PIK3C2A: variants seen among roughly 807,000 people sequenced by gnomAD.
PIK3C2A encodes phosphatidylinositol-4-phosphate 3-kinase catalytic subunit type 2 alpha.
Under a neutral mutation model 204.5 loss-of-function variants are expected in PIK3C2A, and 97 were observed. The observed-to-expected ratio is 0.47, with a 90% CI of 0.40 to 0.56. The LOEUF is 0.56. PIK3C2A is among the 20% of genes least tolerant of loss of function. The pLI, the probability that PIK3C2A is intolerant of heterozygous loss-of-function variation, is 0.00. For synonymous variants in PIK3C2A, 653 were observed against 664.4 expected, an observed-to-expected ratio of 0.98 and a Z score of 0.26; for missense variants, 1,735 against 1,969.2, an observed-to-expected ratio of 0.88 and a Z score of 2.25.
chr11:17,177,471 T>C (rs1203528015), intron 1 of PIK3C2A, among the ~76,000 whole-genome samples: 1 of 152,116 alleles, frequency 6.6e-6, no homozygotes, highest in African/African-American at 2.4e-5. Flanking sequence ...AATGACTCAT[T>C]AATAATTCAA....
chr11:17,160,090 A>T (rs1850724890), intron 2 of PIK3C2A, among the ~76,000 whole-genome samples: 1 of 152,198 alleles, frequency 6.6e-6, no homozygotes. Flanking sequence ...ATATCTGGAC[A>T]CCTCATGGCC....
chr11:17,101,754 C>T (rs1202859012), intron 24 of PIK3C2A, among the ~76,000 whole-genome samples: 3 of 151,588 alleles, frequency 2.0e-5, no homozygotes, highest in East Asian at 2.0e-4. Context: ...CAGGGGCCCG[C>T]CACCACGCCC....
Position 17,172,956 on chromosome 11 carries a change from T to A in PIK3C2A, c.-65-3150A>T, listed in dbSNP as rs35616156. ...TAGCTTCCATTTTAATTTTCTTTTTTCACTGTCAAACTTCTCCAATGAGGG... is the reference window on the plus strand; with the variant it reads ...TAGCTTCCATTTTAATTTTCTTTTTACACTGTCAAACTTCTCCAATGAGGG... On this transcript the variant is annotated intron_variant, in intron 1 of 32. Coordinates refer to ENST00000691414, the MANE Select transcript of PIK3C2A (RefSeq NM_002645.4). Among the ~76,000 whole-genome samples, 629 of 152,342 alleles carry A rather than the reference T, an allele frequency of 4.1e-3. 2 individuals carry two copies. The highest frequency in any genetic ancestry group is 6.9e-3 in the Non-Finnish European group (467 of 68,032).
intron 8 of PIK3C2A, chr11:17,138,010 A>C: frequency 1.6e-6 from 1 of 620,400 alleles, no homozygotes; most frequent in East Asian, 3.5e-5. Context: ...TTGTGCTTTC[A>C]ACACTTTCAC....
At chr11:17,192,178 T>C (rs893388919) in intron 1 of PIK3C2A, among the ~76,000 whole-genome samples, 5 of 151,966 alleles carry the variant, frequency 3.3e-5, no homozygotes, top group African/African-American at 1.2e-4. Flanking sequence ...GCAGGTGTAA[T>C]AGAAACATAT....
intron 20 of PIK3C2A, 45 bp from the exon 21 acceptor site, chr11:17,112,711 G>C (rs762829470): frequency 9.7e-7 from 1 of 1,031,066 alleles, no homozygotes; most frequent in Admixed American, 2.6e-5. Context: ...AATGAAAATG[G>C]ATTTAGAATT....
At position 17,090,879 on chromosome 11, in the gene PIK3C2A, A is replaced by G. The variant is rs555865001; in HGVS notation, c.4878+455T>C. 1.1e-4 allele frequency among the ~76,000 whole-genome samples: 17 copies of G among 151,598 alleles called. No individual in the cohort carries two copies. The South Asian group carries it at 3.5e-3, about 32-fold the overall frequency. On this transcript the variant is annotated intron_variant, in intron 32 of 32. Coordinates refer to ENST00000691414, the MANE Select transcript of PIK3C2A (RefSeq NM_002645.4). ...CTCAGCCTCCCGAGGAGCTGGGATT[A>G]CAGGTGCGTGCCACCATGCCTAGCT...
At chr11:17,155,428 G>T in intron 3 of PIK3C2A, 98 bp downstream of exon 3, 2 of 619,626 alleles carry the variant, frequency 3.2e-6, no homozygotes, top group Non-Finnish European at 5.6e-6. Flanking sequence ...GCCACAAGAA[G>T]AAAATAATTA....
intron 3 of PIK3C2A, among the ~76,000 whole-genome samples, chr11:17,154,001 G>A (rs571961258): frequency 6.6e-6 from 1 of 152,250 alleles, no homozygotes; most frequent in East Asian, 1.9e-4. Flanking sequence ...TGCAGTCATA[G>A]TCTACTAATG....
At chr11:17,173,355 G>C (rs1217116483) in intron 1 of PIK3C2A, among the ~76,000 whole-genome samples, 1 of 152,160 alleles carries the variant, frequency 6.6e-6, no homozygotes, top group Non-Finnish European at 1.5e-5. Context: ...GACTTCTGCT[G>C]AAACTATTTG....
At chr11:17,123,994 CTT>C (rs2137355138) in intron 13 of PIK3C2A, among the ~76,000 whole-genome samples, 1 of 152,182 alleles carries the variant, frequency 6.6e-6, no homozygotes, top group East Asian at 1.9e-4. Context: ...AAAATTTTCT[CTT>C]GACAAACAGG....
intron 9 of PIK3C2A, among the ~76,000 whole-genome samples, 182 bp downstream of exon 9, chr11:17,136,300 T>A (rs1444437824): frequency 1.3e-5 from 2 of 152,164 alleles, no homozygotes; most frequent in African/African-American, 4.8e-5. Context: ...TCAACTCTCA[T>A]AAAGCTCTTC....
intron 6 of PIK3C2A, among the ~76,000 whole-genome samples, chr11:17,146,635 C>A (rs973665601): frequency 6.6e-6 from 1 of 151,430 alleles, no homozygotes; most frequent in Non-Finnish European, 1.5e-5. Flanking sequence ...GCATGAGAAT[C>A]GCTTGAGGGT....
chr11:17,167,711 G>C lies in PIK3C2A; in HGVS notation c.1065+966C>G, dbSNP rs1851012290. ...CCATCCCTCCCTTCCCCATCTAAAT[G>C]CTAGTTAACTCCCAATGATAAAATA... On this transcript the variant is annotated intron_variant, in intron 2 of 32. Coordinates refer to ENST00000691414, the MANE Select transcript of PIK3C2A (RefSeq NM_002645.4). Among the ~76,000 whole-genome samples the C allele has an allele frequency of 2.0e-5, 3 of 152,112 alleles. No individual in the cohort carries two copies. The South Asian group carries it at 6.2e-4, about 31-fold the overall frequency.
At chr11:17,138,535 T>C (rs1329537984) in intron 8 of PIK3C2A, among the ~76,000 whole-genome samples, 2 of 152,198 alleles carry the variant, frequency 1.3e-5, no homozygotes, top group African/African-American at 2.4e-5. Context: ...AGAGACTTTA[T>C]CACAGTCCTC....
chr11:17,186,651 G>C (rs376391668), intron 1 of PIK3C2A, among the ~76,000 whole-genome samples: 67 of 152,218 alleles, frequency 4.4e-4, no homozygotes, highest in Middle Eastern at 3.4e-3. Flanking sequence ...CTTCCTCTAA[G>C]GGAAAAAAAT....
chr11:17,137,934 A>G, intron 8 of PIK3C2A: 1 of 431,812 alleles, frequency 2.3e-6, no homozygotes, highest in Non-Finnish European at 4.3e-6. Context: ...TAATTTTTTT[A>G]AAAAGTCTTT....
chr11:17,169,677 CT>C lies in PIK3C2A; in HGVS notation c.64del (p.Arg22GlufsTer18). ...ECPSSHPEPT[R>X]AKDVDKEEAL... ...TTCTTCTTTGTCCACATCTTTTGCT[CT>C]TGTTGGTTCCGGATGTGAAGATGGA... On this transcript the variant is annotated frameshift_variant, in exon 2 of 33. Coordinates refer to ENST00000691414, the MANE Select transcript of PIK3C2A (RefSeq NM_002645.4). LOFTEE classifies it high-confidence loss of function. 12 of 1,611,802 alleles carry C rather than the reference CT, an allele frequency of 7.4e-6. No individual in the cohort carries two copies. The highest frequency in any genetic ancestry group is 1.0e-5 in the Non-Finnish European group (12 of 1,179,990).
chr11:17,092,226 G>T lies in PIK3C2A; in HGVS notation c.4502C>A (p.Ala1501Asp). 6.2e-7 allele frequency: 1 copy of T among 1,606,492 alleles called. No individual in the cohort carries two copies. Residue 1501 changes from alanine to aspartate, a missense_variant, in exon 29 of 33, where the codon GCC (alanine) becomes GAC (aspartate). By Grantham distance (126) the Ala-to-Asp change is moderately radical. Coordinates refer to ENST00000691414, the MANE Select transcript of PIK3C2A (RefSeq NM_002645.4). ...LGRTHIKDVA[A>D]KRKIELNSYL... ...ACTGTTTAACTCAATTTTCCTTTTG[G>T]CTGCTACATCTTTTATGTGTGTTCT...
Sources: gnomAD v4.1 joint callset for allele counts (sites outside exome capture counted in the v4.1 genomes callset) on GRCh38, gnomAD v4.1.1 for gene constraint, MANE v1.5 for transcripts, NCBI Gene and HGNC (gene_info 2026-07-23, HGNC 2026-07-21) for gene names.